GRXCR2: variants seen among roughly 807,000 people sequenced by gnomAD.
GRXCR2 encodes glutaredoxin domain-containing cysteine-rich protein 2.
GRXCR2 carries 23 observed loss-of-function variants against 24.8 expected under a neutral mutation model. The ratio of observed to expected loss-of-function variants is 0.93; its 90% CI spans 0.67 to 1.32. The LOEUF (loss-of-function observed/expected upper bound fraction) is 1.32, where lower values mean the gene tolerates loss of function less well. Ranked by LOEUF, GRXCR2 falls within the 40% of genes most tolerant of loss-of-function variation. The probability of loss-of-function intolerance (pLI) is 0.00; values close to 1 mark genes in which losing one functional copy is unlikely to be tolerated. For synonymous variants in GRXCR2, 130 were observed against 116.1 expected (o/e 1.12, Z -0.77); for missense variants, 315 against 303.4 (o/e 1.04, Z -0.28).
intron 2 of GRXCR2, among the ~76,000 whole-genome samples, chr5:145,904,315 G>C (rs912989390): frequency 6.6e-6 from 1 of 152,212 alleles, no homozygotes; most frequent in Non-Finnish European, 1.5e-5. Context: ...ATCCAGAGTA[G>C]GGCCCACAGT....
intron 2 of GRXCR2, among the ~76,000 whole-genome samples, chr5:145,896,740 TCTAGAA>T (rs1756955702): frequency 6.6e-6 from 1 of 152,130 alleles, no homozygotes; most frequent in South Asian, 2.1e-4. Context: ...TCCTCAGGGA[TCTAGAA>T]CTAGAAATAC....
chr5:145,902,635 C>T (rs756856526), intron 2 of GRXCR2, among the ~76,000 whole-genome samples: 31 of 152,170 alleles, frequency 2.0e-4, no homozygotes, highest in Admixed American at 6.5e-4. Flanking sequence ...CAGTGAGTGA[C>T]GCCAAGTTAA....
upstream of GRXCR2, among the ~76,000 whole-genome samples, chr5:145,875,143 C>A (rs186398133): frequency 6.6e-6 from 1 of 152,292 alleles, no homozygotes; most frequent in Non-Finnish European, 1.5e-5. Context: ...CAGTGTTTAT[C>A]AAAGTGCCCA....
At chr5:145,897,550 T>C (rs1756968158) in intron 2 of GRXCR2, among the ~76,000 whole-genome samples, 2 of 152,056 alleles carry the variant, frequency 1.3e-5, no homozygotes, top group Admixed American at 1.3e-4. Context: ...TACTTCAAGA[T>C]TGACCATATT....
chr5:145,891,228 T>G (rs1756860816), intron 2 of GRXCR2, among the ~76,000 whole-genome samples: 1 of 152,128 alleles, frequency 6.6e-6, no homozygotes, highest in Non-Finnish European at 1.5e-5. Context: ...ATGGGTGATT[T>G]CTGCATTTCC....
intron 2 of GRXCR2, among the ~76,000 whole-genome samples, chr5:145,887,081 A>G (rs1234522257): frequency 1.3e-5 from 2 of 152,206 alleles, no homozygotes; most frequent in Non-Finnish European, 2.9e-5. Flanking sequence ...TTATATGTAA[A>G]TCAAATCAAA....
At chr5:145,869,502 G>T (rs1035403746) in intron 1 of GRXCR2, among the ~76,000 whole-genome samples, 1 of 151,056 alleles carries the variant, frequency 6.6e-6, no homozygotes, top group South Asian at 2.1e-4. Context: ...GGTAACATTC[G>T]CTAAGCACAT....
chr5:145,876,926 C>A (rs1756627367), upstream of GRXCR2, among the ~76,000 whole-genome samples: 1 of 152,102 alleles, frequency 6.6e-6, no homozygotes, highest in African/African-American at 2.4e-5. Flanking sequence ...TACTGTAGCT[C>A]CATATATCCA....
chr5:145,915,761 G>A (rs1757228840), intron 2 of GRXCR2, among the ~76,000 whole-genome samples: 1 of 132,612 alleles, frequency 7.5e-6, no homozygotes, highest in African/African-American at 2.8e-5. Context: ...GAAGAAGGTA[G>A]GCTCTAGGAT....
chr5:145,860,355 G>A (rs138456471), intron 2 of GRXCR2, among the ~76,000 whole-genome samples: 2 of 152,278 alleles, frequency 1.3e-5, no homozygotes, highest in African/African-American at 4.8e-5. Flanking sequence ...GTGAGATAGT[G>A]TAAGTATTAT....
chr5:145,861,232 C>T (rs1756332852), intron 2 of GRXCR2, among the ~76,000 whole-genome samples: 1 of 152,148 alleles, frequency 6.6e-6, no homozygotes, highest in Non-Finnish European at 1.5e-5. Context: ...TGATGCCAAG[C>T]TTATTAAGTT....
At chr5:145,917,490 C>T (rs1027980560) in intron 2 of GRXCR2, among the ~76,000 whole-genome samples, 1 of 152,028 alleles carries the variant, frequency 6.6e-6, no homozygotes, top group Non-Finnish European at 1.5e-5. Flanking sequence ...CTGTAAACAC[C>T]ATCAGAATGT....
At chr5:145,871,595 T>C (rs969865934) in intron 1 of GRXCR2, among the ~76,000 whole-genome samples, 2 of 152,194 alleles carry the variant, frequency 1.3e-5, no homozygotes, top group Non-Finnish European at 1.5e-5. Context: ...TAAGAGGTCA[T>C]TCATTTCAGC....
At chr5:145,896,464 T>A (rs777916421) in intron 2 of GRXCR2, among the ~76,000 whole-genome samples, 1 of 151,784 alleles carries the variant, frequency 6.6e-6, no homozygotes, top group Non-Finnish European at 1.5e-5. Flanking sequence ...CATCAGAAAA[T>A]GGGTGAAGGA....
rs557397072 is a variant in GRXCR2 at position 145,927,206 on chromosome 5, T to G, written c.-70+8495A>C. Among the ~76,000 whole-genome samples, 10 of 152,306 alleles carry G rather than the reference T, an allele frequency of 6.6e-5. No individual in the cohort carries two copies. The South Asian group carries it at 2.1e-3, about 32-fold the overall frequency. ...CAATTTGACTTCCTCTTTTCCTAAT[T>G]GAATACCCTTTATTTCCTTCTCCTG... is the stretch of plus-strand genomic sequence containing the variant. On this transcript the variant is annotated intron_variant, in intron 2 of 3. Coordinates refer to the GRXCR2 transcript ENST00000639411.
chr5:145,864,943 T>A (rs1756402900), intron 2 of GRXCR2, among the ~76,000 whole-genome samples: 2 of 152,222 alleles, frequency 1.3e-5, no homozygotes, highest in Admixed American at 1.3e-4. Flanking sequence ...CAGTTGCTTA[T>A]GCTCTAGGGG....
At chr5:145,897,292 T>C (rs1026161416) in intron 2 of GRXCR2, among the ~76,000 whole-genome samples, 15 of 147,406 alleles carry the variant, frequency 1.0e-4, no homozygotes, top group Non-Finnish European at 2.0e-4. Flanking sequence ...CATACAAACG[T>C]TGTGCACATA....
chr5:145,887,400 T>C (rs559216207), intron 2 of GRXCR2, among the ~76,000 whole-genome samples: 1 of 152,376 alleles, frequency 6.6e-6, no homozygotes, highest in Non-Finnish European at 1.5e-5. Context: ...AGACAGCTAG[T>C]CAAAGGTTCT....
chr5:145,920,546 C>T (rs140307608), intron 2 of GRXCR2, among the ~76,000 whole-genome samples: 65 of 152,212 alleles, frequency 4.3e-4, no homozygotes, highest in African/African-American at 1.4e-3. Context: ...AGTACTTATA[C>T]CAGGATTGGA....
Sources: gnomAD v4.1 joint callset for allele counts (sites outside exome capture counted in the v4.1 genomes callset) on GRCh38, gnomAD v4.1.1 for gene constraint, MANE v1.5 for transcripts, NCBI Gene and HGNC (gene_info 2026-07-23, HGNC 2026-07-21) for gene names.